PTPN4: variants seen among roughly 807,000 people sequenced by gnomAD.
The protein encoded by PTPN4 is tyrosine-protein phosphatase non-receptor type 4.
Under a neutral mutation model 135.5 loss-of-function variants are expected in PTPN4, and 49 were observed. The ratio of observed to expected loss-of-function variants is 0.36; its 90% confidence interval spans 0.29 to 0.46. The LOEUF is 0.46. PTPN4 is among the 20% of genes least tolerant of loss of function. The pLI, the probability that PTPN4 is intolerant of heterozygous loss-of-function variation, is 1.00. For synonymous variants in PTPN4, 333 were observed against 369.9 expected, an observed-to-expected ratio of 0.90 and a Z score of 1.14; for missense variants, 860 against 1,101.0, an observed-to-expected ratio of 0.78 and a Z score of 3.10.
At chr2:119,875,116 T>C (rs922429517) in intron 3 of PTPN4, among the ~76,000 whole-genome samples, 8 of 152,222 alleles carry the variant, frequency 5.3e-5, no homozygotes, top group African/African-American at 1.7e-4. Context: ...GTGTCAGTTT[T>C]TTCTTATTGA....
At chr2:119,844,096 C>T (rs1362857370) in intron 2 of PTPN4, among the ~76,000 whole-genome samples, 5 of 40,978 alleles carry the variant, frequency 1.2e-4, no homozygotes, top group Non-Finnish European at 2.4e-4. Context: ...GCTGGCCGGG[C>T]GGAGGGCTGA....
intron 23 of PTPN4, 45 bp downstream of exon 23, chr2:119,960,998 A>C (rs773273685): frequency 6.3e-7 from 1 of 1,577,464 alleles, no homozygotes; most frequent in South Asian, 1.2e-5. Context: ...CTTTTTTCAA[A>C]TTATACTGCA....
chr2:119,851,470 T>C (rs1190705884), intron 2 of PTPN4, among the ~76,000 whole-genome samples: 1 of 152,194 alleles, frequency 6.6e-6, no homozygotes, highest in Non-Finnish European at 1.5e-5. Flanking sequence ...TTTATAGGAC[T>C]TCTGGCATCT....
chr2:119,859,295 C>G (rs1677725281), intron 2 of PTPN4, among the ~76,000 whole-genome samples: 2 of 152,094 alleles, frequency 1.3e-5, no homozygotes, highest in African/African-American at 4.8e-5. Context: ...TTTCCTAGCT[C>G]TTGCTATAAT....
chr2:119,936,282 G>A (rs980021484), intron 15 of PTPN4, among the ~76,000 whole-genome samples: 27 of 152,142 alleles, frequency 1.8e-4, no homozygotes, highest in Non-Finnish European at 2.9e-4. Flanking sequence ...GATTCCAGGC[G>A]TGAGCCCCCG....
rs200942412 is a variant in PTPN4, at chr2:119,952,031, G to A, written c.1715G>A (p.Arg572Gln). ...GACCAAGTTGTACTGATCAATGGTC[G>A]GGACATTGCAGAACACACTCATGAT... The part of the protein sequence containing the change: ...EGDQVVLING[R>Q]DIAEHTHDQV... Residue 572 changes from arginine to glutamine, a missense_variant, in exon 19 of 27, where the codon CGG (arginine) becomes CAG (glutamine). By Grantham distance (43) the Arg-to-Gln change is conservative. Transcript: ENST00000263708. The A allele has an allele frequency of 3.1e-5, 50 of 1,613,026 alleles. No homozygotes were observed. The highest frequency in any genetic ancestry group is 3.3e-5 in the Admixed American group (2 of 59,972).
At chr2:119,953,356 A>C (rs1679236110) in intron 19 of PTPN4, among the ~76,000 whole-genome samples, 1 of 152,138 alleles carries the variant, frequency 6.6e-6, no homozygotes, top group Non-Finnish European at 1.5e-5. Flanking sequence ...CTTTTTTGTA[A>C]ACAAAAAATA....
At position 119,983,762 on chromosome 2, in the gene PTPN4, G is replaced by A. The variant is rs557127696; in HGVS notation, c.*6692G>A. The A allele has an allele frequency of 6.6e-6, 1 of 152,278 alleles. No individual in the cohort carries two copies. Among genetic ancestry groups the A allele is most frequent in the Non-Finnish European group, 1.5e-5 (1 of 68,020 alleles). The allele number at this position is 152,278 out of a possible 1,614,324, so 9.4% of individuals were successfully genotyped here. A position where few individuals can be genotyped will look rare whatever the true frequency, so the allele number is the denominator to read the frequency against. ...CAACTTGTGTGATCTTAGCTTTGCAGGTTTTCTGTAATTTATGTAGCACAA... is the reference window on the plus strand; with the variant it reads ...CAACTTGTGTGATCTTAGCTTTGCAAGTTTTCTGTAATTTATGTAGCACAA... On this transcript the variant is annotated 3_prime_UTR_variant, in exon 27 of 27. Transcript: ENST00000263708.
intron 1 of PTPN4, among the ~76,000 whole-genome samples, chr2:119,764,097 C>A (rs1377957476): frequency 6.6e-6 from 1 of 152,194 alleles, no homozygotes; most frequent in Admixed American, 6.5e-5. Context: ...ATCCCCTCCC[C>A]AATATGCTCA....
At chr2:119,793,422 G>A (rs1301396066) in intron 1 of PTPN4, among the ~76,000 whole-genome samples, 4 of 152,130 alleles carry the variant, frequency 2.6e-5, no homozygotes, top group African/African-American at 9.7e-5. Flanking sequence ...AATGTGCTGA[G>A]ATTTCATATT....
intron 2 of PTPN4, among the ~76,000 whole-genome samples, chr2:119,838,105 T>G (rs935785806): frequency 6.6e-6 from 1 of 152,286 alleles, no homozygotes; most frequent in Non-Finnish European, 1.5e-5. Context: ...CAATGGAGAC[T>G]TCAAAGGGAA....
At chr2:119,855,994 C>T (rs529444546) in intron 2 of PTPN4, among the ~76,000 whole-genome samples, 18 of 151,908 alleles carry the variant, frequency 1.2e-4, no homozygotes, top group African/African-American at 3.9e-4. Context: ...TTAGTGGAGA[C>T]GGGGTTTTAC....
intron 24 of PTPN4, among the ~76,000 whole-genome samples, chr2:119,963,329 T>C (rs972151898): frequency 5.3e-5 from 8 of 152,146 alleles, no homozygotes. Context: ...AGTATCCCAA[T>C]TGGAAGATGT....
At chr2:119,820,267 C>G (rs1234708353) in intron 2 of PTPN4, among the ~76,000 whole-genome samples, 1 of 152,168 alleles carries the variant, frequency 6.6e-6, no homozygotes, top group African/African-American at 2.4e-5. Context: ...TCTCCTGAAG[C>G]TCATTTAATA....
intron 2 of PTPN4, among the ~76,000 whole-genome samples, chr2:119,844,738 G>C (rs1677459667): frequency 1.4e-5 from 2 of 142,824 alleles, no homozygotes; most frequent in African/African-American, 5.3e-5. Flanking sequence ...ATGGGATGGC[G>C]GCCGGGCGGA....
chr2:119,937,006 A>C (rs1678993870), intron 15 of PTPN4, among the ~76,000 whole-genome samples: 1 of 152,228 alleles, frequency 6.6e-6, no homozygotes, highest in African/African-American at 2.4e-5. Flanking sequence ...TACATAAATT[A>C]TCTCACTGTT....
At chr2:119,789,250 T>G (rs1691097566) in intron 1 of PTPN4, among the ~76,000 whole-genome samples, 2 of 152,176 alleles carry the variant, frequency 1.3e-5, no homozygotes, top group African/African-American at 4.8e-5. Context: ...CCTATTGACG[T>G]TCTTTGTCCT....
chr2:119,955,031 G>T, intron 19 of PTPN4, 126 bp from the exon 20 acceptor site: 1 of 866,680 alleles, frequency 1.2e-6, no homozygotes, highest in Non-Finnish European at 1.7e-6. Context: ...ACTCAGATCT[G>T]GTGTAATTCT....
chr2:119,929,911 A>T (rs1678879328), intron 13 of PTPN4, among the ~76,000 whole-genome samples: 1 of 152,180 alleles, frequency 6.6e-6, no homozygotes, highest in African/African-American at 2.4e-5. Flanking sequence ...TATTGATTAC[A>T]GTTAGTGAAC....
Sources: allele counts gnomAD v4.1 joint callset (sites outside exome capture counted in the v4.1 genomes callset), GRCh38; gene constraint gnomAD v4.1.1; transcripts MANE v1.5; gene names NCBI Gene and HGNC (gene_info 2026-07-23, HGNC 2026-07-21).